The following ELF2 variants were observed in gnomAD, a reference collection of about 807,000 sequenced individuals.
The protein encoded by ELF2 is E74 like ETS transcription factor 2, also known as ETS-related transcription factor Elf-2.
In ELF2, 11 loss-of-function variants were observed where a neutral mutation model predicts 54.8. That is an observed-to-expected ratio of 0.20 (90% CI 0.13 to 0.33). ELF2 has a LOEUF of 0.33. ELF2 is among the 10% of genes least tolerant of loss of function. ELF2 has a pLI of 1.00. For missense variants in ELF2, 513 were observed against 703.0 expected (o/e 0.73, Z 3.06); for synonymous variants, 203 against 245.1 (o/e 0.83, Z 1.61).
At chr4:139,153,443 A>T (rs992560171) in intron 1 of ELF2, among the ~76,000 whole-genome samples, 2 of 151,728 alleles carry the variant, frequency 1.3e-5, no homozygotes, top group Admixed American at 1.3e-4. Context: ...TCAAAAAATA[A>T]AAATAAATAA....
intron 6 of ELF2, 58 bp from the exon 7 acceptor site, chr4:139,067,828 G>T: frequency 6.8e-7 from 1 of 1,469,180 alleles, no homozygotes; most frequent in South Asian, 1.3e-5. Flanking sequence ...TGAGAGGCAC[G>T]ATTAGCAGAC....
intron 7 of ELF2, among the ~76,000 whole-genome samples, chr4:139,064,342 G>A (rs1560755334): frequency 6.6e-6 from 1 of 152,126 alleles, no homozygotes; most frequent in African/African-American, 2.4e-5. Flanking sequence ...AAAGAGTCCT[G>A]AGACGAAAAA....
intron 4 of ELF2, chr4:139,118,005 T>C (rs1735926872): frequency 6.7e-6 from 1 of 148,362 alleles, no homozygotes; most frequent in East Asian, 1.9e-4. Context: ...GAATGATGGA[T>C]ACCAACTGTG....
chr4:139,120,367 A>G (rs1381436349), intron 4 of ELF2, among the ~76,000 whole-genome samples: 1 of 152,186 alleles, frequency 6.6e-6, no homozygotes, highest in Non-Finnish European at 1.5e-5. Context: ...AACTCATACT[A>G]CAATAGCTAG....
At chr4:139,092,414 T>TACATAACATAACATAACATAACATA (rs1553959669) in intron 4 of ELF2, among the ~76,000 whole-genome samples, 2 of 87,760 alleles carry the variant, frequency 2.3e-5, no homozygotes, top group African/African-American at 8.6e-5. Context: ...TAACATAACA[T>TACATAACATAACATAACATAACATA]ACATAACATA....
chr4:139,115,456 G>A (rs1255586988), intron 4 of ELF2: 9 of 960,866 alleles, frequency 9.4e-6, no homozygotes, highest in African/African-American at 1.8e-5. Flanking sequence ...GCTGGGGTTA[G>A]CTCGCCGCGG....
At chr4:139,097,529 A>G (rs1733407838) in intron 4 of ELF2, among the ~76,000 whole-genome samples, 1 of 151,808 alleles carries the variant, frequency 6.6e-6, no homozygotes, top group African/African-American at 2.4e-5. Flanking sequence ...AGGCAGGAGA[A>G]TCACTTGAAC....
chr4:139,059,521 G>C lies in ELF2; in HGVS notation c.1244C>G (p.Ala415Gly). The stretch of plus-strand genomic sequence containing the variant: ...AGTGCTGGTTATTAATGGTGCACCT[G>C]CATTAACTGACTGAACTGCCACAGT... ...ISTVAVQSVN[A>G]GAPLITSTSP... The change falls in exon 10 of 10, where the codon GCA becomes GGA. Residue 415 changes from alanine to glycine, a missense_variant. Around this residue, in one of 3 missense-constraint regions of ELF2, gnomAD observed 291 missense variants for 366.1 expected, o/e 0.79. Transcript: ENST00000686138. The C allele has an allele frequency of 6.2e-7, 1 of 1,613,852 alleles. No homozygotes were observed. Among genetic ancestry groups the C allele is most frequent in the Non-Finnish European group, 8.5e-7 (1 of 1,179,852 alleles).
intron 4 of ELF2, among the ~76,000 whole-genome samples, chr4:139,120,567 T>C (rs1163663316): frequency 6.6e-6 from 1 of 152,008 alleles, no homozygotes; most frequent in East Asian, 1.9e-4. Flanking sequence ...GACTCTCAAG[T>C]AGCTAGGACT....
chr4:139,130,017 CAAGTT>C (rs1420713897), intron 3 of ELF2, among the ~76,000 whole-genome samples: 2 of 152,086 alleles, frequency 1.3e-5, no homozygotes, highest in African/African-American at 2.4e-5. Flanking sequence ...TGCAGATGAT[CAAGTT>C]AAGACAAGAT....
intron 4 of ELF2, among the ~76,000 whole-genome samples, chr4:139,095,150 T>C (rs1055323329): frequency 2.4e-4 from 36 of 152,020 alleles, no homozygotes; most frequent in Non-Finnish European, 3.2e-4. Context: ...ATAGCTGGCA[T>C]CTTCTTTCTC....
chr4:139,103,340 G>A (rs1393116832), intron 4 of ELF2, among the ~76,000 whole-genome samples: 3 of 152,192 alleles, frequency 2.0e-5, no homozygotes, highest in African/African-American at 7.2e-5. Flanking sequence ...ATGGGGGCTA[G>A]TCACCAGAAA....
chr4:139,059,225 T>G lies in ELF2; in HGVS notation c.1540A>C (p.Thr514Pro). 6.2e-7 allele frequency: 1 copy of G among 1,613,918 alleles called. No homozygotes were observed. Among genetic ancestry groups the G allele is most frequent in the Non-Finnish European group, 8.5e-7 (1 of 1,179,866 alleles). Reference protein sequence around the residue: ...GTPVMRLSMPTQQASGQTPPR... With the variant: ...GTPVMRLSMPPQQASGQTPPR... Reference sequence around the variant, plus strand: ...GGAGTCTGGCCAGATGCCTGCTGAGTAGGCATTGATAGTCTCATTACAGGT... The same window carrying G: ...GGAGTCTGGCCAGATGCCTGCTGAGGAGGCATTGATAGTCTCATTACAGGT... Residue 514 changes from threonine to proline, a missense_variant, in exon 10 of 10, where the codon ACT becomes CCT. Thr to Pro is a conservative substitution (Grantham distance 38, BLOSUM62 -1). Around this residue, in one of 3 missense-constraint regions of ELF2, gnomAD observed 291 missense variants for 366.1 expected, o/e 0.79. Coordinates refer to ENST00000686138, the MANE Select transcript of ELF2 (RefSeq NM_001331036.3).
chr4:139,084,380 C>A, intron 4 of ELF2: 1 of 1,453,898 alleles, frequency 6.9e-7, no homozygotes, highest in Non-Finnish European at 9.1e-7. Flanking sequence ...GCCCGCCTCC[C>A]GCCGCCGGGC....
At chr4:139,168,016 A>T (rs1484282805) in intron 1 of ELF2, among the ~76,000 whole-genome samples, 2 of 152,344 alleles carry the variant, frequency 1.3e-5, no homozygotes, top group African/African-American at 4.8e-5. Flanking sequence ...CCTTCAGTCC[A>T]CCTAGTGGGT....
chr4:139,083,181 T>TGG (rs3840276), intron 4 of ELF2, among the ~76,000 whole-genome samples: 8 of 139,286 alleles, frequency 5.7e-5, no homozygotes, highest in South Asian at 2.3e-4. Flanking sequence ...GTGGGAGGTT[T>TGG]GGGGGGGGGT....
At chr4:139,127,326 G>C (rs1004416001) in intron 3 of ELF2, among the ~76,000 whole-genome samples, 26 of 152,168 alleles carry the variant, frequency 1.7e-4, no homozygotes, top group African/African-American at 6.0e-4. Context: ...AGCACTGCCA[G>C]ATACCAGAGC....
At chr4:139,140,999 AG>A (rs1738645550) in intron 1 of ELF2, among the ~76,000 whole-genome samples, 1 of 152,140 alleles carries the variant, frequency 6.6e-6, no homozygotes, top group Non-Finnish European at 1.5e-5. Context: ...CTGTCTTCAT[AG>A]GACTTGCTGC....
chr4:139,137,488 T>C, intron 3 of ELF2, 142 bp downstream of exon 3: 2 of 808,838 alleles, frequency 2.5e-6, no homozygotes, highest in Non-Finnish European at 3.9e-6. Flanking sequence ...ACCTAAATTA[T>C]ATAAGGATAC....
Sources: allele counts gnomAD v4.1 joint callset (sites outside exome capture counted in the v4.1 genomes callset), GRCh38; gene constraint gnomAD v4.1.1; regional missense constraint gnomAD v4.1.1; transcripts MANE v1.5; gene names NCBI Gene and HGNC (gene_info 2026-07-23, HGNC 2026-07-21).